The following PRR29 variants were observed in gnomAD, a reference collection of about 807,000 sequenced individuals.
PRR29 encodes the protein proline-rich protein 29.
PRR29 carries 20 observed loss-of-function variants against 25.1 expected under a neutral mutation model. The ratio of observed to expected loss-of-function variants is 0.80; its 90% CI spans 0.56 to 1.16. The LOEUF (loss-of-function observed/expected upper bound fraction) is 1.16, where lower values mean the gene tolerates loss of function less well. Among genes scored for constraint, PRR29 ranks in the 50% most tolerant of loss-of-function variants. The pLI is 0.00. For missense variants in PRR29, 238 were observed against 246.6 expected (o/e 0.97, Z 0.23); for synonymous variants, 108 against 102.6 (o/e 1.05, Z -0.32).
intron 3 of PRR29, 132 bp from the exon 4 acceptor site, chr17:64,000,952 C>T: frequency 1.3e-6 from 1 of 792,154 alleles, no homozygotes; most frequent in Non-Finnish European, 2.1e-6. Context: ...AGGCGTGAGC[C>T]ACCATGCCTG....
In PRR29 at chr17:64,001,309, G is replaced by T. The variant is rs1204921310; in HGVS notation, c.469G>T (p.Val157Leu). ...QHCPASRERE[V>L]RAVPPPPPPS... ...CTGTCCTGCCTCCAGGGAAAGGGAG[G>T]TGTAAGTGAGGCTGGGTGCTGCCAG... is the stretch of plus-strand genomic sequence containing the variant. Residue 157 changes from valine to leucine, a missense_variant and splice_region_variant, in exon 4 of 6, where the codon GTG (valine) becomes TTG (leucine). Val to Leu is a conservative substitution (Grantham distance 32). Transcript: ENST00000412177. 4 of 1,534,304 alleles carry T rather than the reference G, an allele frequency of 2.6e-6. No individual in the cohort carries two copies. The highest frequency in any genetic ancestry group is 1.4e-5 in the African/African-American group (1 of 72,998).
At chr17:63,998,897 C>T (rs979102290) in intron 2 of PRR29, 71 bp from the exon 3 acceptor site, 2 of 1,458,148 alleles carry the variant, frequency 1.4e-6, no homozygotes, top group Admixed American at 2.0e-5. Context: ...ATTCTTCACC[C>T]CCGGGACAGG....
rs1341159802 is a variant in PRR29, at chr17:63,998,642, G to A, written c.61-65G>A. 1.2e-5 allele frequency: 13 copies of A among 1,078,120 alleles called. No homozygotes were observed. The East Asian group carries it at 3.1e-4, about 26-fold the overall frequency. The allele number at this position is 1,078,120 out of a possible 1,614,324, so 66.8% of individuals were successfully genotyped here. On this transcript the variant is annotated intron_variant, in intron 1 of 5. Coordinates refer to ENST00000412177, the MANE Select transcript of PRR29 (RefSeq NM_001164257.2). ...GGGAGGCCACTGGCCGGGGGGGTTGGGGCTCGCGACGTGTCCCCATCCATT... is the reference window on the plus strand; with the variant it reads ...GGGAGGCCACTGGCCGGGGGGGTTGAGGCTCGCGACGTGTCCCCATCCATT...
rs753330024 is a variant in PRR29, at chr17:64,002,933, G to A, written c.*1172G>A. On this transcript the variant is annotated 3_prime_UTR_variant, in exon 6 of 6. Transcript: ENST00000412177. The stretch of plus-strand genomic sequence containing the variant: ...GGCTGTCCGACACAGGCTCTGGGGA[G>A]GGAGGGGGCAAGGGTCTTAGACGTC... The A allele has an allele frequency of 3.7e-6, 6 of 1,612,428 alleles. No individual in the cohort carries two copies. Among genetic ancestry groups the A allele is most frequent in the East Asian group, 2.2e-5 (1 of 44,852 alleles).
Position 64,001,192 on chromosome 17 carries a change from C to T in PRR29, c.352C>T (p.Pro118Ser). Residue 118 changes from proline (P) to serine (S), a missense_variant, in exon 4 of 6, where the codon CCC becomes TCC. Pro to Ser is a moderately conservative substitution (Grantham distance 74, BLOSUM62 -1). Coordinates refer to ENST00000412177, the MANE Select transcript of PRR29 (RefSeq NM_001164257.2). ...FHHHYLPYLM[P>S]SPGALLPWPA... is the part of the protein sequence containing the mutation. The stretch of plus-strand genomic sequence containing the variant: ...CCACCACTACTTGCCCTATTTGATG[C>T]CCTCCCCGGGTGCCCTGCTGCCCTG... The T allele has an allele frequency of 1.3e-6, 2 of 1,537,412 alleles. No individual in the cohort carries two copies. Among genetic ancestry groups the T allele is most frequent in the Non-Finnish European group, 1.7e-6 (2 of 1,146,950 alleles).
At chr17:63,998,932 A>G (rs895767422) in intron 2 of PRR29, 36 bp from the exon 3 acceptor site, 1 of 1,525,734 alleles carries the variant, frequency 6.6e-7, no homozygotes. Context: ...GGGGACTCGG[A>G]GGCCCGGCGT....
chr17:63,999,893 A>ATGGGG (rs1910506164), intron 3 of PRR29: 1 of 150,618 alleles, frequency 6.6e-6, no homozygotes, highest in African/African-American at 2.5e-5. Context: ...CGTGCAAGCA[A>ATGGGG]GTGTGTGCAA....
chr17:63,999,889 A>T (rs986722159), intron 3 of PRR29: 1 of 149,048 alleles, frequency 6.7e-6, no homozygotes. Flanking sequence ...TGTGCGTGCA[A>T]GCAAGTGTGT....
chr17:64,002,571 G>A lies in PRR29; in HGVS notation c.*810G>A, dbSNP rs980337107. ...CCCTCCCTGGCCATTGTTATCCCAG[G>A]AGGAGACACTGTGGGCACAGGGCTA... On this transcript the variant is annotated 3_prime_UTR_variant, in exon 6 of 6. Coordinates refer to ENST00000412177, the MANE Select transcript of PRR29 (RefSeq NM_001164257.2). 6.4e-6 allele frequency: 4 copies of A among 627,940 alleles called. No individual in the cohort carries two copies. The highest frequency in any genetic ancestry group is 4.1e-5 in the South Asian group (2 of 48,540). 38.9% of individuals were successfully genotyped at this position (627,940 alleles called of 1,614,324 possible). A position where few individuals can be genotyped will look rare whatever the true frequency, so the allele number is the denominator to read the frequency against.
In PRR29 at chr17:64,002,465, T is replaced by C; in HGVS notation, c.*704T>C. ...GAGCTACTCGGGCCAGATGGGGGCC[T>C]GTTGCATGGGCTGGGAGGCCCCTGT... On this transcript the variant is annotated 3_prime_UTR_variant, in exon 6 of 6. Coordinates refer to ENST00000412177, the MANE Select transcript of PRR29 (RefSeq NM_001164257.2). 1 of 484,962 alleles carries C rather than the reference T, an allele frequency of 2.1e-6. No individual in the cohort carries two copies. Among genetic ancestry groups the C allele is most frequent in the Non-Finnish European group, 3.8e-6 (1 of 266,192 alleles). 30.0% of individuals were successfully genotyped at this position (484,962 alleles called of 1,614,324 possible). A position where few individuals can be genotyped will look rare whatever the true frequency, so the allele number is the denominator to read the frequency against.
chr17:63,998,517 G>A (rs1486346661), intron 1 of PRR29, 93 bp downstream of exon 1: 1 of 1,353,842 alleles, frequency 7.4e-7, no homozygotes, highest in Admixed American at 2.7e-5. Flanking sequence ...TGGAGGGGTG[G>A]GGGACGAGGA....
chr17:63,998,631 C>CGG, intron 1 of PRR29, 76 bp from the exon 2 acceptor site: 1 of 1,009,776 alleles, frequency 9.9e-7, no homozygotes, highest in South Asian at 1.5e-5. Context: ...GGCCACTGGC[C>CGG]GGGGGGGTTG....
Position 63,998,796 on chromosome 17 carries a change from G to GGGGCCCCCCCCCCCCCCC in PRR29, c.136+14_136+15insGGGCCCCCCCCCCCCCCC. 2 of 1,345,584 alleles carry GGGGCCCCCCCCCCCCCCC rather than the reference G, an allele frequency of 1.5e-6. No homozygotes were observed. The highest frequency in any genetic ancestry group is 2.0e-6 in the Non-Finnish European group (2 of 975,964). 83.4% of individuals were successfully genotyped at this position (1,345,584 alleles called of 1,614,324 possible). A position where few individuals can be genotyped will look rare whatever the true frequency, so the allele number is the denominator to read the frequency against. The stretch of plus-strand genomic sequence containing the variant: ...GCGTGAAGGAAGGTGAGACTCCCGG[G>GGGGCCCCCCCCCCCCCCC]TCCCCCCACCCCACCCCCACCATCA... On this transcript the variant is annotated intron_variant, in intron 2 of 5. Transcript: ENST00000412177.
chr17:64,001,525 C>T lies in PRR29; in HGVS notation c.529C>T (p.Pro177Ser). 6.6e-7 allele frequency: 1 copy of T among 1,516,344 alleles called. No homozygotes were observed. Among genetic ancestry groups the T allele is most frequent in the Non-Finnish European group, 8.8e-7 (1 of 1,137,734 alleles). The allele number at this position is 1,516,344 out of a possible 1,614,324, so 93.9% of individuals were successfully genotyped here. A position where few individuals can be genotyped will look rare whatever the true frequency, so the allele number is the denominator to read the frequency against. Residue 177 changes from proline (P) to serine (S), a missense_variant, in exon 5 of 6, where the codon CCC (proline) becomes TCC (serine). Transcript: ENST00000412177. ...CACAGGGACTGTGGGTGCTGATGTA[C>T]CCCCGGCTTCAGGTAGGGCTGGGGT... ...SATGTVGADV[P>S]PASDYYDAES...
rs1910258947 is a variant in PRR29, at chr17:63,998,377, G to A, written c.13G>A (p.Ala5Thr). 2 of 1,526,168 alleles carry A rather than the reference G, an allele frequency of 1.3e-6. No individual in the cohort carries two copies. Among genetic ancestry groups the A allele is most frequent in the Non-Finnish European group, 1.8e-6 (2 of 1,142,054 alleles). The allele number at this position is 1,526,168 out of a possible 1,614,324, so 94.5% of individuals were successfully genotyped here. The change falls in exon 1 of 6, where the codon GCG (alanine) becomes ACG (threonine). Residue 5 changes from alanine to threonine, a missense_variant. Coordinates refer to ENST00000412177, the MANE Select transcript of PRR29 (RefSeq NM_001164257.2). ...ACCGGCGCCAGCCATGGCCTCTGGG[G>A]CGGGCGGAAGCTGGGGTCGCTCCCC... MASG[A>T]GGSWGRSPPQ...
intron 1 of PRR29, 109 bp from the exon 2 acceptor site, chr17:63,998,598 C>A (rs1315364879): frequency 1.9e-6 from 2 of 1,055,670 alleles, no homozygotes; most frequent in Non-Finnish European, 2.7e-6. Context: ...GAGGAGAGAA[C>A]CTGGCCCCTG....
At position 63,999,750 on chromosome 17, in the gene PRR29, C is replaced by CGT. The variant is rs565728998; in HGVS notation, c.243+686_243+687dup. On this transcript the variant is annotated intron_variant, in intron 3 of 5. Coordinates refer to ENST00000412177, the MANE Select transcript of PRR29 (RefSeq NM_001164257.2). ...GTGCAAGTGGGTGTCTGTGTGCATG[C>CGT]GTGTGTGTGTGCAAGGCTGTGTACA... 5.8e-5 allele frequency: 9 copies of CGT among 155,122 alleles called. No individual in the cohort carries two copies. The East Asian group carries it at 1.2e-3, about 20-fold the overall frequency. 9.6% of individuals were successfully genotyped at this position (155,122 alleles called of 1,614,324 possible).
At chr17:64,000,642 CT>C (rs1234807102) in intron 3 of PRR29, among the ~76,000 whole-genome samples, 133 of 145,506 alleles carry the variant, frequency 9.1e-4, no homozygotes, top group African/African-American at 2.2e-3. Flanking sequence ...ACAAGCCATT[CT>C]TTTTTTTTTT....
chr17:63,999,082 T>G lies in PRR29; in HGVS notation c.243+8T>G. 6.5e-7 allele frequency: 1 copy of G among 1,533,374 alleles called. No homozygotes were observed. The highest frequency in any genetic ancestry group is 8.7e-7 in the Non-Finnish European group (1 of 1,144,872). The allele number at this position is 1,533,374 out of a possible 1,614,324, so 95.0% of individuals were successfully genotyped here. On this transcript the variant is annotated splice_region_variant and intron_variant, in intron 3 of 5. Coordinates refer to ENST00000412177, the MANE Select transcript of PRR29 (RefSeq NM_001164257.2). ...GCCTCGCCCTGCCCTCAGGTGCGTGTGGGTGGGCCGCCGGGGTCGCTCACC... is the reference window on the plus strand; with the variant it reads ...GCCTCGCCCTGCCCTCAGGTGCGTGGGGGTGGGCCGCCGGGGTCGCTCACC...
Sources: allele counts gnomAD v4.1 joint callset (sites outside exome capture counted in the v4.1 genomes callset), GRCh38; gene constraint gnomAD v4.1.1; transcripts MANE v1.5; gene names NCBI Gene and HGNC (gene_info 2026-07-23, HGNC 2026-07-21).